TANC2: variants seen among roughly 807,000 people sequenced by gnomAD.
TANC2 encodes the protein tetratricopeptide repeat, ankyrin repeat and coiled-coil containing 2.
In TANC2, 26 loss-of-function variants were observed where a neutral mutation model predicts 210.5. The ratio of observed to expected loss-of-function variants is 0.12; its 90% CI spans 0.09 to 0.17. The LOEUF (loss-of-function observed/expected upper bound fraction) is 0.17. TANC2 is among the 10% of genes least tolerant of loss of function. TANC2 has a pLI of 1.00. For synonymous variants in TANC2, 931 were observed against 967.1 expected, an observed-to-expected ratio of 0.96 and a Z score of 0.69; for missense variants, 2,129 against 2,608.9, an observed-to-expected ratio of 0.82 and a Z score of 4.01.
At chr17:63,210,823 A>G (rs1194712681) in intron 7 of TANC2, among the ~76,000 whole-genome samples, 1 of 152,134 alleles carries the variant, frequency 6.6e-6, no homozygotes, top group Non-Finnish European at 1.5e-5. Context: ...TCTATGTATT[A>G]TGTTTAATAC....
chr17:63,258,600 G>A (rs904900527), intron 8 of TANC2, among the ~76,000 whole-genome samples: 1 of 152,110 alleles, frequency 6.6e-6, no homozygotes, highest in African/African-American at 2.4e-5. Flanking sequence ...CTTCCATCGT[G>A]TAGAAGGAGT....
chr17:63,067,749 AT>A (rs1258723930), intron 2 of TANC2, among the ~76,000 whole-genome samples: 2 of 152,132 alleles, frequency 1.3e-5, no homozygotes, highest in East Asian at 3.9e-4. Context: ...ATCCATAGAA[AT>A]TATCCAAATC....
At chr17:63,110,349 A>G (rs189797246) in intron 4 of TANC2, among the ~76,000 whole-genome samples, 1 of 151,764 alleles carries the variant, frequency 6.6e-6, no homozygotes, top group Non-Finnish European at 1.5e-5. Flanking sequence ...TGTCCTCTTA[A>G]TGATGTTTAT....
intron 1 of TANC2, among the ~76,000 whole-genome samples, chr17:62,981,210 C>T (rs1039216078): frequency 1.3e-5 from 2 of 152,030 alleles, no homozygotes; most frequent in Admixed American, 6.6e-5. Flanking sequence ...ATTTCCATTC[C>T]ATCTTCTCTC....
chr17:62,977,925 T>C (rs1325063674), intron 1 of TANC2, among the ~76,000 whole-genome samples: 1 of 152,162 alleles, frequency 6.6e-6, no homozygotes, highest in Admixed American at 6.5e-5. Context: ...AGGCTTCTTG[T>C]TTTTCTAATT....
intron 3 of TANC2, among the ~76,000 whole-genome samples, chr17:63,074,351 A>G (rs1490610858): frequency 2.0e-5 from 3 of 152,092 alleles, no homozygotes; most frequent in Non-Finnish European, 4.4e-5. Context: ...CTGGCTTTTT[A>G]AATTTCATCA....
intron 2 of TANC2, among the ~76,000 whole-genome samples, chr17:63,059,277 A>C (rs1392431533): frequency 6.6e-6 from 1 of 152,154 alleles, no homozygotes; most frequent in Non-Finnish European, 1.5e-5. Context: ...GATTTTGTTG[A>C]ATATGCACTC....
chr17:63,250,886 A>G (rs1226066538), intron 8 of TANC2, among the ~76,000 whole-genome samples: 1 of 152,128 alleles, frequency 6.6e-6, no homozygotes, highest in African/African-American at 2.4e-5. Context: ...GAAAAGGGGG[A>G]TCATGAATAT....
chr17:63,189,963 T>A (rs2041127726), intron 5 of TANC2, among the ~76,000 whole-genome samples: 1 of 152,232 alleles, frequency 6.6e-6, no homozygotes, highest in African/African-American at 2.4e-5. Context: ...ATACCTTTGT[T>A]TGTGGTTATC....
intron 5 of TANC2, among the ~76,000 whole-genome samples, chr17:63,171,641 G>T (rs2040408200): frequency 6.6e-6 from 1 of 152,142 alleles, no homozygotes; most frequent in South Asian, 2.1e-4. Context: ...TCTTGGCTCT[G>T]TTGCAAACCA....
chr17:63,039,484 TG>T (rs1462746967), intron 2 of TANC2, among the ~76,000 whole-genome samples: 1 of 152,146 alleles, frequency 6.6e-6, no homozygotes, highest in African/African-American at 2.4e-5. Flanking sequence ...TAGGCACCTG[TG>T]GGTTTGAGTG....
intron 21 of TANC2, among the ~76,000 whole-genome samples, chr17:63,411,141 G>C (rs541060021): frequency 2.6e-5 from 4 of 152,022 alleles, no homozygotes; most frequent in Non-Finnish European, 4.4e-5. Context: ...GGATTTACGG[G>C]AGATCCGAGA....
chr17:63,373,487 G>A (rs933352043), intron 14 of TANC2, among the ~76,000 whole-genome samples: 2 of 152,076 alleles, frequency 1.3e-5, no homozygotes, highest in Admixed American at 6.5e-5. Context: ...AATTGAACTA[G>A]ATTTCAGTGG....
chr17:63,417,481 T>TGTTCCTCTA (rs1353183934), intron 26 of TANC2, among the ~76,000 whole-genome samples: 1 of 152,094 alleles, frequency 6.6e-6, no homozygotes, highest in African/African-American at 2.4e-5. Flanking sequence ...CCTGTGAGCG[T>TGTTCCTCTA]GTTCCTCTAG....
intron 2 of TANC2, among the ~76,000 whole-genome samples, chr17:63,070,316 A>G (rs2036351603): frequency 6.6e-6 from 1 of 152,180 alleles, no homozygotes. Context: ...TGTAACATGT[A>G]ATTAAGCAGT....
intron 7 of TANC2, among the ~76,000 whole-genome samples, chr17:63,222,243 A>G (rs151043894): frequency 6.6e-6 from 1 of 152,230 alleles, no homozygotes; most frequent in Non-Finnish European, 1.5e-5. Context: ...CCTACCTCCT[A>G]ATACCATCAC....
chr17:62,982,017 C>T (rs2032328824), intron 1 of TANC2, among the ~76,000 whole-genome samples: 1 of 152,200 alleles, frequency 6.6e-6, no homozygotes, highest in African/African-American at 2.4e-5. Context: ...TCTTCTGTGG[C>T]ATTTCATGTG....
chr17:63,101,408 G>C (rs1567723506), intron 4 of TANC2, among the ~76,000 whole-genome samples: 1 of 152,124 alleles, frequency 6.6e-6, no homozygotes, highest in Non-Finnish European at 1.5e-5. Flanking sequence ...TGCCTTGTAT[G>C]TATTCATATT....
At position 63,295,362 on chromosome 17, in the gene TANC2, A is replaced by G. The variant is rs182135671; in HGVS notation, c.1160-19026A>G. ...ATAAAATATGATGAGGCATTATGTC[A>G]ACATGAGAACAAGTTATCTTAATAG... is the stretch of plus-strand genomic sequence containing the variant. On this transcript the variant is annotated intron_variant, in intron 9 of 27. Transcript: ENST00000689528. Among the ~76,000 whole-genome samples, 31 of 152,390 alleles carry G rather than the reference A, an allele frequency of 2.0e-4. 1 individual carries two copies. Among genetic ancestry groups the G allele is most frequent in the Non-Finnish European group, 4.0e-4 (27 of 68,042 alleles).
Sources: gnomAD v4.1 joint callset for allele counts (sites outside exome capture counted in the v4.1 genomes callset) on GRCh38, gnomAD v4.1.1 for gene constraint, MANE v1.5 for transcripts, NCBI Gene and HGNC (gene_info 2026-07-23, HGNC 2026-07-21) for gene names.